The following STARD8 variants were observed in gnomAD, a reference collection of about 807,000 sequenced individuals.
STARD8 encodes stAR-related lipid transfer protein 8.
STARD8 carries 25 observed loss-of-function variants against 69.4 expected under a neutral mutation model. The ratio of observed to expected loss-of-function variants is 0.36; its 90% CI spans 0.26 to 0.50. The LOEUF is 0.50. Among genes scored for constraint, STARD8 ranks in the 20% least tolerant of loss-of-function variants. The pLI is 0.96. For missense variants in STARD8, 921 were observed against 932.5 expected, an observed-to-expected ratio of 0.99 and a Z score of 0.16; for synonymous variants, 389 against 374.6, an observed-to-expected ratio of 1.04 and a Z score of -0.45.
intron 2 of STARD8, among the ~76,000 whole-genome samples, chrX:68,702,328 C>A: frequency 8.9e-6 from 1 of 111,881 alleles, no homozygotes; most frequent in South Asian, 3.7e-4. Flanking sequence ...AACAGGAGGG[C>A]TGTGGTTATT....
intron 2 of STARD8, among the ~76,000 whole-genome samples, chrX:68,685,814 A>G (rs887086603): frequency 8.9e-6 from 1 of 112,569 alleles, no homozygotes; most frequent in Non-Finnish European, 1.9e-5. Context: ...CGTTGGTGGA[A>G]CCCAGCTGGT....
At chrX:68,721,363 T>G (rs952946077) in intron 9 of STARD8, among the ~76,000 whole-genome samples, 173 bp from the exon 10 acceptor site, 1 of 111,697 alleles carries the variant, frequency 9.0e-6, no homozygotes, top group African/African-American at 3.3e-5. Context: ...ACACTGTATG[T>G]TAGTAATAAA....
At chrX:68,672,356 G>T (rs749933503) in intron 2 of STARD8, among the ~76,000 whole-genome samples, 1 of 111,909 alleles carries the variant, frequency 8.9e-6, no homozygotes, top group East Asian at 2.8e-4. Flanking sequence ...GAAACTAAGT[G>T]ATCTGCACAA....
At chrX:68,685,614 G>A (rs368388522) in intron 2 of STARD8, among the ~76,000 whole-genome samples, 3 of 112,620 alleles carry the variant, frequency 2.7e-5, no homozygotes, top group Non-Finnish European at 3.8e-5. Context: ...TCTATACTCC[G>A]TGCCAGGCAC....
chrX:68,678,253 A>T (rs949023036), intron 2 of STARD8, among the ~76,000 whole-genome samples: 2 of 111,550 alleles, frequency 1.8e-5, no homozygotes, highest in African/African-American at 6.5e-5. Context: ...TCCCCTGGAA[A>T]GTGGAAATAG....
At chrX:68,669,671 T>G (rs1363045627) in intron 2 of STARD8, among the ~76,000 whole-genome samples, 2 of 112,183 alleles carry the variant, frequency 1.8e-5, no homozygotes, top group Non-Finnish European at 3.8e-5. Context: ...GAGCCCCTGC[T>G]CGCAACCCAA....
At chrX:68,690,583 C>A (rs1460122603) in intron 2 of STARD8, among the ~76,000 whole-genome samples, 4 of 111,938 alleles carry the variant, frequency 3.6e-5, no homozygotes, top group African/African-American at 1.3e-4. Flanking sequence ...AGCTCTATAG[C>A]ACCTTCAGTG....
chrX:68,653,468 A>C (rs1602536881), intron 1 of STARD8, among the ~76,000 whole-genome samples: 2 of 52,256 alleles, frequency 3.8e-5, no homozygotes, highest in Non-Finnish European at 7.3e-5. Flanking sequence ...CACACACCCC[A>C]CACCCCACAC....
chrX:68,697,457 A>G (rs2079929502), intron 2 of STARD8, among the ~76,000 whole-genome samples: 1 of 111,982 alleles, frequency 8.9e-6, no homozygotes, highest in Non-Finnish European at 1.9e-5. Context: ...TTGTTTCTCT[A>G]GCAGTAAATG....
In STARD8 at chrX:68,677,981, A is replaced by G. The variant is rs748955477; in HGVS notation, c.79+12449A>G. On this transcript the variant is annotated intron_variant, in intron 2 of 14. Coordinates refer to ENST00000374599, the MANE Select transcript of STARD8 (RefSeq NM_001142503.3). ...AAGCTCTGCAGATAGCATTTAGTCC[A>G]ACCTGCATCACTCCCCTTCAACCTT... Among the ~76,000 whole-genome samples, 329 of 110,821 alleles carry G rather than the reference A, an allele frequency of 3.0e-3. 2 individuals carry two copies. The highest frequency in any genetic ancestry group is 0.01 in the African/African-American group (315 of 30,470).
intron 2 of STARD8, among the ~76,000 whole-genome samples, chrX:68,702,408 A>AT (rs929634780): frequency 4.5e-5 from 5 of 111,866 alleles, no homozygotes; most frequent in African/African-American, 1.6e-4. Context: ...CAGTTTTCCC[A>AT]TTTGTACCAT....
chrX:68,679,945 C>G (rs766347013), intron 2 of STARD8, among the ~76,000 whole-genome samples: 1 of 111,533 alleles, frequency 9.0e-6, no homozygotes, highest in Non-Finnish European at 1.9e-5. Flanking sequence ...GTAGACTTGA[C>G]GCTCCGCCCT....
intron 1 of STARD8, among the ~76,000 whole-genome samples, chrX:68,661,260 C>T (rs897646151): frequency 2.7e-5 from 3 of 112,026 alleles, no homozygotes; most frequent in African/African-American, 9.7e-5. Context: ...CTGGACAAAG[C>T]TTGTCCATAG....
chrX:68,708,165 A>G (rs1177556441), intron 2 of STARD8, among the ~76,000 whole-genome samples: 1 of 112,758 alleles, frequency 8.9e-6, no homozygotes, highest in Non-Finnish European at 1.9e-5. Flanking sequence ...AGTGGTAGAC[A>G]GGAAAGTCGT....
intron 2 of STARD8, among the ~76,000 whole-genome samples, chrX:68,690,155 G>A (rs1487735039): frequency 1.8e-5 from 2 of 110,236 alleles, no homozygotes; most frequent in Non-Finnish European, 3.8e-5. Flanking sequence ...GGGAATGTGC[G>A]TACAAGTGTC....
In STARD8 at chrX:68,724,776, A is replaced by G; in HGVS notation, c.*354A>G. The G allele has an allele frequency of 6.0e-6, 1 of 166,751 alleles. No homozygotes were observed. The highest frequency in any genetic ancestry group is 1.1e-5 in the Non-Finnish European group (1 of 88,914). The allele number at this position is 166,751 out of a possible 1,213,427, so 13.7% of individuals were successfully genotyped here. On this transcript the variant is annotated 3_prime_UTR_variant, in exon 15 of 15. Transcript: ENST00000374599. ...CCCGCCTGCAGGGGCAAAGAGGTCGACAGCAATGTGTGATCCCAGCTCTCT... is the reference window on the plus strand; with the variant it reads ...CCCGCCTGCAGGGGCAAAGAGGTCGGCAGCAATGTGTGATCCCAGCTCTCT...
At chrX:68,672,712 C>T (rs2079736340) in intron 2 of STARD8, among the ~76,000 whole-genome samples, 1 of 107,300 alleles carries the variant, frequency 9.3e-6, no homozygotes, top group Admixed American at 9.7e-5. Context: ...ATTCAAACAG[C>T]GCCCCACCCC....
At chrX:68,677,877 A>G (rs1245092256) in intron 2 of STARD8, among the ~76,000 whole-genome samples, 1 of 88,325 alleles carries the variant, frequency 1.1e-5, no homozygotes, top group African/African-American at 4.3e-5. Flanking sequence ...ATAGAGAGAG[A>G]GGAAGTAGAA....
At chrX:68,652,982 C>T (rs2079566210) in intron 1 of STARD8, among the ~76,000 whole-genome samples, 1 of 70,785 alleles carries the variant, frequency 1.4e-5, no homozygotes, top group Non-Finnish European at 2.6e-5. Flanking sequence ...CCACACACCA[C>T]ACACACACCA....
Sources: gnomAD v4.1 joint callset for allele counts (sites outside exome capture counted in the v4.1 genomes callset) on GRCh38, gnomAD v4.1.1 for gene constraint, MANE v1.5 for transcripts, NCBI Gene and HGNC (gene_info 2026-07-23, HGNC 2026-07-21) for gene names.